The following TMEM232 variants were observed in gnomAD, a reference collection of about 807,000 sequenced individuals.
The protein encoded by TMEM232 is transmembrane protein 232.
A neutral mutation model predicts 78.8 loss-of-function variants in TMEM232; 80 were observed. The observed-to-expected ratio is 1.01, with a 90% CI of 0.85 to 1.22. The LOEUF (loss-of-function observed/expected upper bound fraction) is 1.22. Ranked by LOEUF, TMEM232 falls within the 50% of genes most tolerant of loss-of-function variation. The pLI, the probability that TMEM232 is intolerant of heterozygous loss-of-function variation, is 0.00. For missense variants in TMEM232, 881 were observed against 742.2 expected (o/e 1.19, Z -2.17); for synonymous variants, 297 against 254.3 (o/e 1.17, Z -1.60).
chr5:110,612,070 G>A (rs1029120542), intron 8 of TMEM232, among the ~76,000 whole-genome samples: 1 of 152,138 alleles, frequency 6.6e-6, no homozygotes, highest in African/African-American at 2.4e-5. Flanking sequence ...AGGACATGTA[G>A]TATCCAGGGA....
In TMEM232 at chr5:110,575,581, G is replaced by A. The variant is rs1034320353; in HGVS notation, c.1277-6956C>T. Among the ~76,000 whole-genome samples the A allele has an allele frequency of 7.2e-5, 11 of 152,082 alleles. No individual in the cohort carries two copies. In the East Asian group the frequency reaches 1.2e-3, roughly 16 times the overall value. On this transcript the variant is annotated intron_variant, in intron 10 of 13. Coordinates refer to ENST00000455884, the MANE Select transcript of TMEM232 (RefSeq NM_001039763.4). ...TCTTGTGGAGAGAAATGGAAGGGGCGAGTAAATACAGCACCTTCAAATGAA... is the reference window on the plus strand; with the variant it reads ...TCTTGTGGAGAGAAATGGAAGGGGCAAGTAAATACAGCACCTTCAAATGAA...
Position 110,618,326 on chromosome 5 carries a change from T to C in TMEM232, c.902+103A>G, listed in dbSNP as rs1783201593. ...GAACTGAGATTATAAATTTGTTTCA[T>C]AGTCAACTGAGGTGTGATTAACATT... On this transcript the variant is annotated intron_variant, in intron 8 of 13. Transcript: ENST00000455884. The C allele has an allele frequency of 3.6e-6, 5 of 1,400,230 alleles. No homozygotes were observed. In the East Asian group the frequency reaches 7.6e-5, roughly 21 times the overall value. The allele number at this position is 1,400,230 out of a possible 1,614,324, so 86.7% of individuals were successfully genotyped here.
intron 8 of TMEM232, among the ~76,000 whole-genome samples, chr5:110,615,348 C>A (rs1234636763): frequency 6.6e-6 from 1 of 151,852 alleles, no homozygotes; most frequent in Non-Finnish European, 1.5e-5. Context: ...ATATATGTGG[C>A]AATTGCATTT....
downstream of TMEM232, among the ~76,000 whole-genome samples, chr5:110,417,333 G>A (rs1430093922): frequency 6.6e-6 from 1 of 152,092 alleles, no homozygotes; most frequent in Non-Finnish European, 1.5e-5. Flanking sequence ...ACTCAAAGTG[G>A]GAAGAATGGG....
chr5:110,450,120 C>T (rs1014071974), intron 12 of TMEM232, among the ~76,000 whole-genome samples: 1 of 152,144 alleles, frequency 6.6e-6, no homozygotes, highest in Non-Finnish European at 1.5e-5. Context: ...TGAAAACGTG[C>T]TTGCTGCCCC....
At chr5:110,528,893 AT>A (rs1771010399) in intron 11 of TMEM232, 58 bp from the exon 12 acceptor site, 3 of 1,229,556 alleles carry the variant, frequency 2.4e-6, no homozygotes, top group Admixed American at 8.3e-5. Context: ...GAGAAAAAAA[AT>A]CGTGTATTAT....
chr5:110,446,042 G>A (rs1252079527), intron 12 of TMEM232, among the ~76,000 whole-genome samples: 4 of 152,138 alleles, frequency 2.6e-5, no homozygotes, highest in Admixed American at 2.0e-4. Context: ...ATCACCGGAG[G>A]CCATCTTAGA....
At chr5:110,706,139 T>C (rs1024796249) in intron 1 of TMEM232, among the ~76,000 whole-genome samples, 1 of 152,142 alleles carries the variant, frequency 6.6e-6, no homozygotes, top group Non-Finnish European at 1.5e-5. Context: ...CTTCTCAAGC[T>C]GTACTCCCAG....
At chr5:110,406,690 CCTATTA>C (rs1362593857) in intron 2 of TMEM232, among the ~76,000 whole-genome samples, 1 of 151,844 alleles carries the variant, frequency 6.6e-6, no homozygotes. Context: ...CCCAAAATAC[CCTATTA>C]CTATATTTAT....
At chr5:110,650,660 T>C (rs1788177041) in intron 2 of TMEM232, among the ~76,000 whole-genome samples, 2 of 152,184 alleles carry the variant, frequency 1.3e-5, no homozygotes, top group South Asian at 4.1e-4. Context: ...TCTTCAAAAT[T>C]GTCATGGTCA....
At chr5:110,698,386 G>A (rs1486342776) in intron 1 of TMEM232, among the ~76,000 whole-genome samples, 1 of 151,914 alleles carries the variant, frequency 6.6e-6, no homozygotes, top group Non-Finnish European at 1.5e-5. Context: ...GTATATATAT[G>A]TAACGAACCT....
At chr5:110,697,229 A>G (rs938512851) in intron 1 of TMEM232, among the ~76,000 whole-genome samples, 21 of 152,234 alleles carry the variant, frequency 1.4e-4, no homozygotes, top group Non-Finnish European at 2.8e-4. Flanking sequence ...TGGTGCTGGG[A>G]AAACTGGCTA....
chr5:110,733,360 T>C (rs1352287662), intron 2 of TMEM232, among the ~76,000 whole-genome samples: 2 of 152,166 alleles, frequency 1.3e-5, no homozygotes, highest in African/African-American at 2.4e-5. Context: ...ACCAAAGGAA[T>C]ATAAATCATT....
At chr5:110,458,366 A>C (rs1761124867) in intron 12 of TMEM232, among the ~76,000 whole-genome samples, 1 of 151,820 alleles carries the variant, frequency 6.6e-6, no homozygotes, top group African/African-American at 2.4e-5. Context: ...TATTTCTATG[A>C]GGATACTGCT....
At chr5:110,467,406 C>T (rs911761001) in intron 12 of TMEM232, among the ~76,000 whole-genome samples, 10 of 152,162 alleles carry the variant, frequency 6.6e-5, no homozygotes, top group East Asian at 5.8e-4. Flanking sequence ...AACTGAATAA[C>T]GGATGAGTTT....
At chr5:110,683,020 A>G (rs112920838) in intron 1 of TMEM232, among the ~76,000 whole-genome samples, 141 of 152,246 alleles carry the variant, frequency 9.3e-4, no homozygotes, top group Middle Eastern at 6.8e-3. Context: ...CTTTAACTGC[A>G]GGTGCCTCAG....
intron 1 of TMEM232, among the ~76,000 whole-genome samples, chr5:110,690,625 T>C (rs1377446170): frequency 1.3e-5 from 2 of 152,178 alleles, no homozygotes; most frequent in Non-Finnish European, 2.9e-5. Context: ...CATTACTGGG[T>C]ATATACCCAA....
At chr5:110,730,121 T>G (rs1798537224), upstream of TMEM232, among the ~76,000 whole-genome samples, 1 of 152,208 alleles carries the variant, frequency 6.6e-6, no homozygotes, top group South Asian at 2.1e-4. Context: ...GCATTATATT[T>G]TCTTCAATCA....
At chr5:110,644,382 T>C (rs1001132891) in intron 2 of TMEM232, among the ~76,000 whole-genome samples, 1 of 151,938 alleles carries the variant, frequency 6.6e-6, no homozygotes, top group Non-Finnish European at 1.5e-5. Context: ...TTAGGAATTA[T>C]GTTTTTAAAA....
Sources: gnomAD v4.1 joint callset for allele counts (sites outside exome capture counted in the v4.1 genomes callset) on GRCh38, gnomAD v4.1.1 for gene constraint, MANE v1.5 for transcripts, NCBI Gene and HGNC (gene_info 2026-07-23, HGNC 2026-07-21) for gene names.